The following ADGRD1 variants were observed in gnomAD, a reference collection of about 807,000 sequenced individuals.
ADGRD1 encodes the protein adhesion G protein-coupled receptor D1, also known as G-protein coupled receptor 133.
A neutral mutation model predicts 113.4 loss-of-function variants in ADGRD1; 77 were observed. The ratio of observed to expected loss-of-function variants is 0.68; its 90% CI spans 0.57 to 0.82. The LOEUF (loss-of-function observed/expected upper bound fraction) is 0.82. ADGRD1 is among the 40% of genes least tolerant of loss of function. The pLI, the probability that ADGRD1 is intolerant of heterozygous loss-of-function variation, is 0.00. For synonymous variants in ADGRD1, 474 were observed against 475.0 expected, an observed-to-expected ratio of 1.00 and a Z score of 0.03; for missense variants, 1,036 against 1,139.1, an observed-to-expected ratio of 0.91 and a Z score of 1.30.
intron 9 of ADGRD1, chr12:131,002,850 T>C (rs758459448): frequency 8.0e-7 from 1 of 1,244,560 alleles, no homozygotes; most frequent in Non-Finnish European, 1.0e-6. Flanking sequence ...AGGGGGAGGG[T>C]CTGGGATGTG....
intron 8 of ADGRD1, among the ~76,000 whole-genome samples, chr12:130,996,692 T>C (rs1875448590): frequency 1.1e-5 from 1 of 91,808 alleles, no homozygotes; most frequent in African/African-American, 4.4e-5. Context: ...ACGGGGCGGC[T>C]GGCCGGGCGG....
At chr12:131,133,606 C>CA (rs1950993362) in intron 21 of ADGRD1, among the ~76,000 whole-genome samples, 1 of 152,190 alleles carries the variant, frequency 6.6e-6, no homozygotes, top group Non-Finnish European at 1.5e-5. Context: ...GAGGTGCAGG[C>CA]AGGCATCTCT....
At chr12:131,080,317 T>A (rs1885964252) in intron 14 of ADGRD1, among the ~76,000 whole-genome samples, 1 of 152,216 alleles carries the variant, frequency 6.6e-6, no homozygotes, top group Non-Finnish European at 1.5e-5. Context: ...TGTAAATAGT[T>A]TTTTTATGAT....
intron 13 of ADGRD1, among the ~76,000 whole-genome samples, chr12:131,015,600 CTGGAGTTGGAGATGGAGA>C (rs71095327): frequency 0.029 from 4,080 of 142,108 alleles, 147 homozygotes; most frequent in African/African-American, 0.083. Flanking sequence ...GGAGAGGGGA[CTGGAGTTGGAGATGGAGA>C]TGGAGTTGGA....
chr12:130,959,971 G>A (rs1212653203), intron 2 of ADGRD1, among the ~76,000 whole-genome samples: 1 of 152,124 alleles, frequency 6.6e-6, no homozygotes, highest in African/African-American at 2.4e-5. Flanking sequence ...ATCCAGGGTC[G>A]GCAGAGTCCG....
Position 131,014,355 on chromosome 12 carries a change from C to T in ADGRD1, c.1473+15C>T, listed in dbSNP as rs751927217. ...AGCACAGATTGGTGAGTGGCGGTGC[C>T]TTCACCCTTGTCGCCGCCTTTGATC... On this transcript the variant is annotated intron_variant, in intron 13 of 24. Transcript: ENST00000261654. The T allele has an allele frequency of 3.1e-6, 5 of 1,605,142 alleles. No homozygotes were observed. In the East Asian group the frequency reaches 9.0e-5, roughly 29 times the overall value.
In ADGRD1 at chr12:131,076,874, G is replaced by C; in HGVS notation, c.1547G>C (p.Ser516Thr). The C allele has an allele frequency of 6.2e-7, 1 of 1,613,770 alleles. No individual in the cohort carries two copies. The highest frequency in any genetic ancestry group is 8.5e-7 in the Non-Finnish European group (1 of 1,179,632). The change falls in exon 14 of 25, where the codon AGC (serine) becomes ACC (threonine). Residue 516 changes from serine to threonine, a missense_variant and splice_region_variant. By Grantham distance (58) the Ser-to-Thr change is moderately conservative (BLOSUM62 1). Transcript: ENST00000261654. Reference protein sequence around the residue: ...VFVYCAFLDFSSGEGVWSNHG... With the variant: ...VFVYCAFLDFTSGEGVWSNHG... ...GTGTACTGCGCCTTCCTGGACTTCA[G>C]GTACCCTCTGCACAGGGGAGAGCAG...
chr12:131,003,837 G>A lies in ADGRD1; in HGVS notation c.1145-349G>A, dbSNP rs957963700. 6.6e-6 allele frequency among the ~76,000 whole-genome samples: 1 copy of A among 152,240 alleles called. No homozygotes were observed. The highest frequency in any genetic ancestry group is 1.9e-4 in the East Asian group (1 of 5,150). On this transcript the variant is annotated intron_variant, in intron 10 of 24. Coordinates refer to ENST00000261654, the MANE Select transcript of ADGRD1 (RefSeq NM_198827.5). The surrounding 1 kb of genome is among the most constrained non-coding windows in gnomAD (Gnocchi z 4.8). ...GCAGTTTGTTGGCCGTGTTGCCCTC[G>A]CCTGCTGCGCTTGGGGAGGAGCCGA...
chr12:130,971,965 G>C lies in ADGRD1; in HGVS notation c.310+385G>C, dbSNP rs769303613. 6.4e-4 allele frequency among the ~76,000 whole-genome samples: 98 copies of C among 152,222 alleles called. 1 individual carries two copies. Among genetic ancestry groups the C allele is most frequent in the Non-Finnish European group, 2.1e-4 (14 of 68,050 alleles). On this transcript the variant is annotated intron_variant, in intron 4 of 24. Transcript: ENST00000261654. The surrounding 1 kb of genome is among the most constrained non-coding windows in gnomAD (Gnocchi z 4.2). ...GTGTGATTTCTGGCTCTGGGATGTT[G>C]ACGGTGAGCGGGCAGGGCATACCCA...
rs1950066371 is a variant in ADGRD1, at chr12:131,101,249, T to C, written c.1672-3582T>C. On this transcript the variant is annotated intron_variant, in intron 15 of 24. Coordinates refer to ENST00000261654, the MANE Select transcript of ADGRD1 (RefSeq NM_198827.5). ...TGGAGACCTGTGTGGGGTGCATCTC[T>C]TGGGGGGCTTCCCAGGGCAGTGGGC... Among the ~76,000 whole-genome samples the C allele has an allele frequency of 2.6e-5, 4 of 152,052 alleles. No homozygotes were observed. The South Asian group carries it at 6.2e-4, about 24-fold the overall frequency.
At chr12:131,104,193 C>T (rs1593221328) in intron 15 of ADGRD1, among the ~76,000 whole-genome samples, 1 of 152,176 alleles carries the variant, frequency 6.6e-6, no homozygotes, top group African/African-American at 2.4e-5. Context: ...AGTGTGCAGG[C>T]GGCAGCCATT....
At chr12:130,962,467 A>G (rs1307030621) in intron 2 of ADGRD1, 1 of 152,224 alleles carries the variant, frequency 6.6e-6, no homozygotes, top group East Asian at 1.9e-4. Flanking sequence ...TGTATAACAG[A>G]TGTTATTTCC....
chr12:130,962,785 T>A (rs1003022515), intron 2 of ADGRD1: 1 of 152,104 alleles, frequency 6.6e-6, no homozygotes, highest in Non-Finnish European at 1.5e-5. Flanking sequence ...TATTACAGAG[T>A]TAACTTTGTT....
At chr12:131,007,268 G>A (rs911797801) in intron 12 of ADGRD1, among the ~76,000 whole-genome samples, 1 of 152,224 alleles carries the variant, frequency 6.6e-6, no homozygotes, top group African/African-American at 2.4e-5. Flanking sequence ...CTTGTAAATC[G>A]GCTTGGCTTT....
chr12:130,961,629 A>G (rs1593258114), intron 2 of ADGRD1, among the ~76,000 whole-genome samples: 1 of 152,316 alleles, frequency 6.6e-6, no homozygotes, highest in East Asian at 1.9e-4. Context: ...CACCTTCTCA[A>G]TGGGAAAAAT....
chr12:131,136,346 C>T (rs1460940792), intron 22 of ADGRD1, among the ~76,000 whole-genome samples, 183 bp downstream of exon 22: 2 of 151,958 alleles, frequency 1.3e-5, no homozygotes, highest in Non-Finnish European at 2.9e-5. Flanking sequence ...AGGATCCTGA[C>T]CCCTTCAGGG....
Position 131,139,304 on chromosome 12 carries a change from C to T in ADGRD1, c.*41C>T, listed in dbSNP as rs762825746. The T allele has an allele frequency of 2.9e-6, 4 of 1,366,708 alleles. No homozygotes were observed. In the East Asian group the frequency reaches 9.5e-5, roughly 32 times the overall value. 84.7% of individuals were successfully genotyped at this position (1,366,708 alleles called of 1,614,324 possible). ...ACCAGGCCAGGCTGCGCTCAGAACA[C>T]ACCCCCCCAAACAGAATGAAATGCC... On this transcript the variant is annotated 3_prime_UTR_variant, in exon 25 of 25. Transcript: ENST00000261654.
At chr12:131,125,324 C>T (rs1381963189) in intron 20 of ADGRD1, among the ~76,000 whole-genome samples, 1 of 152,166 alleles carries the variant, frequency 6.6e-6, no homozygotes, top group Non-Finnish European at 1.5e-5. Flanking sequence ...CTCTGGATGT[C>T]AGGGGCACTT....
Position 131,050,958 on chromosome 12 carries a change from C to G in ADGRD1, c.1474-25843C>G, listed in dbSNP as rs1269770482. Among the ~76,000 whole-genome samples, 1 of 152,322 alleles carries G rather than the reference C, an allele frequency of 6.6e-6. No individual in the cohort carries two copies. Among genetic ancestry groups the G allele is most frequent in the Non-Finnish European group, 1.5e-5 (1 of 68,032 alleles). On this transcript the variant is annotated intron_variant, in intron 13 of 24. Transcript: ENST00000261654. This position sits in a 1 kb window ranked among gnomAD's most constrained non-coding sequence, Gnocchi z 4.8. The stretch of plus-strand genomic sequence containing the variant: ...CCCACCGCTCTGTGTGCTGTGTGCC[C>G]GGTTCCTAACAGGCCACGGGCTGGT...
Sources: gnomAD v4.1 joint callset for allele counts (sites outside exome capture counted in the v4.1 genomes callset) on GRCh38, gnomAD v4.1.1 for gene constraint, Gnocchi (gnomAD v3.1) non-coding constraint, MANE v1.5 for transcripts, NCBI Gene and HGNC (gene_info 2026-07-23, HGNC 2026-07-21) for gene names.